The following OCLN variants were observed in gnomAD, a reference collection of about 807,000 sequenced individuals.
OCLN encodes the protein occludin.
In OCLN, 21 loss-of-function variants were observed where a neutral mutation model predicts 47.9. That is an observed-to-expected ratio of 0.44 (90% CI 0.31 to 0.63). The LOEUF (loss-of-function observed/expected upper bound fraction) is 0.63, where lower values mean the gene tolerates loss of function less well. Among genes scored for constraint, OCLN ranks in the 30% least tolerant of loss-of-function variants. The pLI, the probability that OCLN is intolerant of heterozygous loss-of-function variation, is 0.08. For missense variants in OCLN, 360 were observed against 571.0 expected (o/e 0.63, Z 3.77); for synonymous variants, 117 against 198.4 (o/e 0.59, Z 3.45).
intron 4 of OCLN, chr5:69,530,533 G>A (rs981457462): frequency 2.0e-5 from 3 of 151,878 alleles, no homozygotes; most frequent in Non-Finnish European, 2.9e-5. Context: ...AAAAATGATC[G>A]TACTCCTTGT....
Position 69,497,377 on chromosome 5 carries a change from T to A in OCLN, c.-69+4477T>A, listed in dbSNP as rs537032899. Reference sequence around the variant, plus strand: ...CCAATCATTTGTCTTAAGACATGGTTTTTCTAGATTTTTTTTTTTTTTTTT... The same window carrying A: ...CCAATCATTTGTCTTAAGACATGGTATTTCTAGATTTTTTTTTTTTTTTTT... On this transcript the variant is annotated intron_variant, in intron 1 of 8. Coordinates refer to ENST00000396442, the MANE Select transcript of OCLN (RefSeq NM_001205254.2). 2.0e-3 allele frequency among the ~76,000 whole-genome samples: 295 copies of A among 146,740 alleles called. 1 individual carries two copies. Among genetic ancestry groups the A allele is most frequent in the African/African-American group, 6.8e-3 (278 of 41,028 alleles).
chr5:69,533,026 TAC>T (rs1224177769), intron 4 of OCLN, among the ~76,000 whole-genome samples: 28 of 148,936 alleles, frequency 1.9e-4, no homozygotes, highest in Middle Eastern at 3.5e-3. Flanking sequence ...TGTGTGTGTA[TAC>T]ACACACACAT....
At chr5:69,528,000 T>C (rs1769328398) in intron 4 of OCLN, among the ~76,000 whole-genome samples, 1 of 152,206 alleles carries the variant, frequency 6.6e-6, no homozygotes, top group Non-Finnish European at 1.5e-5. Context: ...CTAAATGCCA[T>C]CTGAGCAAGG....
chr5:69,548,335 G>A (rs1769764313), intron 7 of OCLN, among the ~76,000 whole-genome samples: 2 of 146,164 alleles, frequency 1.4e-5, no homozygotes, highest in South Asian at 2.2e-4. Context: ...TTTTTTTGAG[G>A]TGGAGTCTCG....
At chr5:69,515,274 C>T (rs1225043449) in intron 4 of OCLN, among the ~76,000 whole-genome samples, 5 of 136,712 alleles carry the variant, frequency 3.7e-5, no homozygotes, top group African/African-American at 1.1e-4. Context: ...GCTGGCCGGG[C>T]GGGGGGCTGA....
chr5:69,550,184 T>C (rs1218637883), intron 7 of OCLN, among the ~76,000 whole-genome samples: 20 of 97,632 alleles, frequency 2.0e-4, no homozygotes, highest in Non-Finnish European at 2.1e-5. Flanking sequence ...TGTCTACTTA[T>C]CTAATTTTTT....
chr5:69,505,977 A>T (rs765429286), intron 2 of OCLN, among the ~76,000 whole-genome samples: 13 of 152,162 alleles, frequency 8.5e-5, no homozygotes, highest in Non-Finnish European at 1.5e-4. Context: ...GCTCATTCCC[A>T]CAAGACTGCC....
chr5:69,534,939 G>T (rs1769541645), intron 5 of OCLN, 100 bp downstream of exon 5: 1 of 1,317,318 alleles, frequency 7.6e-7, no homozygotes, highest in African/African-American at 1.9e-5. Flanking sequence ...ATATCCAGCA[G>T]TGCACACAAA....
intron 1 of OCLN, among the ~76,000 whole-genome samples, chr5:69,496,323 C>T (rs1768288669): frequency 6.6e-6 from 1 of 151,998 alleles, no homozygotes; most frequent in Non-Finnish European, 1.5e-5. Context: ...TGGTCTCGAT[C>T]TCCTGACCTC....
intron 4 of OCLN, among the ~76,000 whole-genome samples, chr5:69,524,554 G>A (rs1769226415): frequency 6.6e-6 from 1 of 152,140 alleles, no homozygotes. Flanking sequence ...ACATGTTGAT[G>A]GAGTTGAAGT....
intron 4 of OCLN, among the ~76,000 whole-genome samples, chr5:69,515,781 G>T (rs1013881239): frequency 4.3e-4 from 65 of 149,790 alleles, no homozygotes; most frequent in Non-Finnish European, 8.6e-4. Context: ...CTTCTCAGAC[G>T]GGGCGGCTGG....
chr5:69,525,320 G>T (rs1769248047), intron 4 of OCLN, among the ~76,000 whole-genome samples: 1 of 151,806 alleles, frequency 6.6e-6, no homozygotes, highest in Non-Finnish European at 1.5e-5. Flanking sequence ...TAGCCAGGAT[G>T]GTCTCGATCT....
chr5:69,516,872 C>G (rs769906420), intron 4 of OCLN, among the ~76,000 whole-genome samples: 33 of 151,886 alleles, frequency 2.2e-4, no homozygotes, highest in Non-Finnish European at 4.1e-4. Context: ...ACCTAGGCAA[C>G]ATAATGGGAC....
rs180972917 is a variant in OCLN, at chr5:69,530,998, G to C, written c.892-3696G>C. ...GGAAAGCAGGAAACTGCCCGCCCTTGCATTTTCTACATCTAGGTTCTTGGG... is the reference window on the plus strand; with the variant it reads ...GGAAAGCAGGAAACTGCCCGCCCTTCCATTTTCTACATCTAGGTTCTTGGG... On this transcript the variant is annotated intron_variant, in intron 4 of 8. Coordinates refer to ENST00000396442, the MANE Select transcript of OCLN (RefSeq NM_001205254.2). Among the ~76,000 whole-genome samples the C allele has an allele frequency of 6.2e-4, 95 of 152,330 alleles. 1 individual carries two copies. The highest frequency in any genetic ancestry group is 6.8e-3 in the Middle Eastern group (2 of 294).
chr5:69,496,158 G>C (rs1414548750), intron 1 of OCLN, among the ~76,000 whole-genome samples: 4 of 151,480 alleles, frequency 2.6e-5, no homozygotes, highest in Non-Finnish European at 5.9e-5. Flanking sequence ...GAGTGCAGTG[G>C]CACGATCTTG....
Position 69,493,735 on chromosome 5 carries a change from C to T in OCLN, c.-69+835C>T, listed in dbSNP as rs1226125114. ...AAGCCGGGACCCGCGCCCAGCCGGGCCACGGAGTTTGGGGACCTCCGGGAC... is the reference window on the plus strand; with the variant it reads ...AAGCCGGGACCCGCGCCCAGCCGGGTCACGGAGTTTGGGGACCTCCGGGAC... On this transcript the variant is annotated intron_variant, in intron 1 of 8. Coordinates refer to ENST00000396442, the MANE Select transcript of OCLN (RefSeq NM_001205254.2). This position sits in a 1 kb window ranked among gnomAD's most constrained non-coding sequence, Gnocchi z 5.3. Among the ~76,000 whole-genome samples, 1 of 152,166 alleles carries T rather than the reference C, an allele frequency of 6.6e-6. No homozygotes were observed. The highest frequency in any genetic ancestry group is 1.5e-5 in the Non-Finnish European group (1 of 68,020).
chr5:69,522,280 C>T (rs934447698), intron 4 of OCLN, among the ~76,000 whole-genome samples: 1 of 151,662 alleles, frequency 6.6e-6, no homozygotes, highest in African/African-American at 2.4e-5. Context: ...TTTTTTTTAC[C>T]CCATGTGTAC....
intron 7 of OCLN, among the ~76,000 whole-genome samples, chr5:69,549,015 G>A (rs1769783726): frequency 1.4e-5 from 2 of 146,376 alleles, no homozygotes; most frequent in South Asian, 2.2e-4. Flanking sequence ...TATTTATAAA[G>A]CCATTCATTC....
intron 4 of OCLN, 138 bp downstream of exon 4, chr5:69,514,247 G>C: frequency 1.3e-6 from 1 of 780,656 alleles, no homozygotes. Context: ...TTTTTACTCA[G>C]AATTTTAAGA....
Sources: gnomAD v4.1 joint callset for allele counts (sites outside exome capture counted in the v4.1 genomes callset) on GRCh38, gnomAD v4.1.1 for gene constraint, Gnocchi (gnomAD v3.1) non-coding constraint, MANE v1.5 for transcripts, NCBI Gene and HGNC (gene_info 2026-07-23, HGNC 2026-07-21) for gene names.